The following RYR3 variants were observed in gnomAD, a reference collection of about 807,000 sequenced individuals.
RYR3 encodes ryanodine receptor 3, also known as brain ryanodine receptor-calcium release channel.
In RYR3, 207 loss-of-function variants were observed where a neutral mutation model predicts 584.3. The observed-to-expected ratio is 0.35, with a 90% CI of 0.32 to 0.40. The LOEUF is 0.40. RYR3 is among the 10% of genes least tolerant of loss of function. The pLI is 1.00. For missense variants in RYR3, 5,616 were observed against 6,089.2 expected (o/e 0.92, Z 2.59); for synonymous variants, 2,416 against 2,248.5 (o/e 1.07, Z -2.11).
chr15:33,854,678 G>C, intron 97 of RYR3, 88 bp from the exon 98 acceptor site: 2 of 1,500,154 alleles, frequency 1.3e-6, no homozygotes, highest in African/African-American at 2.8e-5. Flanking sequence ...TCTATCCTCA[G>C]TGTGTCTCCC....
At chr15:33,674,586 G>A (rs1266188085) in intron 38 of RYR3, among the ~76,000 whole-genome samples, 1 of 152,056 alleles carries the variant, frequency 6.6e-6, no homozygotes, top group African/African-American at 2.4e-5. Context: ...GGTTACTTGA[G>A]GCTCATAAAA....
chr15:33,677,499 C>A (rs902822764), intron 38 of RYR3, among the ~76,000 whole-genome samples: 1 of 152,176 alleles, frequency 6.6e-6, no homozygotes, highest in African/African-American at 2.4e-5. Flanking sequence ...TAATCGCCTA[C>A]ATGTATTGAA....
At chr15:33,789,603 T>G (rs1480580391) in intron 67 of RYR3, among the ~76,000 whole-genome samples, 1 of 124,186 alleles carries the variant, frequency 8.1e-6, no homozygotes, top group Non-Finnish European at 1.7e-5. Flanking sequence ...TTATGTTATA[T>G]GCATGTTACC....
chr15:33,738,693 G>C (rs2069760520), intron 50 of RYR3, 103 bp downstream of exon 50: 3 of 1,283,798 alleles, frequency 2.3e-6, no homozygotes, highest in Non-Finnish European at 3.3e-6. Context: ...GCCAGGACCT[G>C]TGCTAAGTAC....
At chr15:33,516,815 G>GT (rs1179856068) in intron 3 of RYR3, among the ~76,000 whole-genome samples, 1 of 151,884 alleles carries the variant, frequency 6.6e-6, no homozygotes, top group Non-Finnish European at 1.5e-5. Context: ...AGACCACCCA[G>GT]TTTGTAACCC....
intron 38 of RYR3, among the ~76,000 whole-genome samples, chr15:33,671,263 C>G (rs1319772163): frequency 6.6e-6 from 1 of 152,082 alleles, no homozygotes; most frequent in Admixed American, 6.5e-5. Flanking sequence ...TCAGTCTACT[C>G]CTTGGTACAG....
At chr15:33,454,845 A>G (rs2142009995) in intron 1 of RYR3, among the ~76,000 whole-genome samples, 1 of 152,298 alleles carries the variant, frequency 6.6e-6, no homozygotes, top group South Asian at 2.1e-4. Flanking sequence ...GAGGGCGGGT[A>G]GGAACTAAGG....
chr15:33,691,024 G>A (rs1316655431), intron 38 of RYR3, among the ~76,000 whole-genome samples: 2 of 152,078 alleles, frequency 1.3e-5, no homozygotes, highest in Non-Finnish European at 2.9e-5. Flanking sequence ...AAGAAAAATG[G>A]CCTTAAATAC....
chr15:33,649,569 T>C (rs1595972866), intron 31 of RYR3, among the ~76,000 whole-genome samples: 1 of 152,152 alleles, frequency 6.6e-6, no homozygotes, highest in Non-Finnish European at 1.5e-5. Context: ...AGAGAAAATC[T>C]CTGGGTGCTT....
At chr15:33,516,885 T>TAA (rs538847139) in intron 3 of RYR3, among the ~76,000 whole-genome samples, 7 of 149,804 alleles carry the variant, frequency 4.7e-5, no homozygotes, top group African/African-American at 9.8e-5. Context: ...CAGAATGGCT[T>TAA]AAAAAAAAAA....
chr15:33,344,085 T>C (rs906802453), intron 1 of RYR3, among the ~76,000 whole-genome samples: 1 of 152,214 alleles, frequency 6.6e-6, no homozygotes, highest in Admixed American at 6.5e-5. Context: ...GAATTGTTGT[T>C]GTTGCTTTTT....
chr15:33,775,079 A>G (rs541118425), intron 64 of RYR3, among the ~76,000 whole-genome samples: 30 of 152,082 alleles, frequency 2.0e-4, no homozygotes, highest in Non-Finnish European at 3.8e-4. Context: ...CAGACCAGAA[A>G]AAGACTGCTC....
intron 18 of RYR3, among the ~76,000 whole-genome samples, chr15:33,612,579 C>A (rs1230045186): frequency 6.6e-6 from 1 of 152,114 alleles, no homozygotes. Flanking sequence ...AGGCTGGTCT[C>A]GAACTCCTGA....
chr15:33,852,156 A>G (rs1173077469), intron 94 of RYR3: 1 of 152,114 alleles, frequency 6.6e-6, no homozygotes, highest in African/African-American at 2.4e-5. Context: ...TCTAGAACCA[A>G]AAAGAATGAA....
chr15:33,399,308 T>A (rs1177610405), intron 1 of RYR3, among the ~76,000 whole-genome samples: 3 of 152,210 alleles, frequency 2.0e-5, no homozygotes, highest in East Asian at 3.8e-4. Flanking sequence ...ATAGACTCGC[T>A]GAGCCAGAAC....
At chr15:33,763,904 A>AAAAAAAAAAAAAAAC (rs1567121773) in intron 60 of RYR3, among the ~76,000 whole-genome samples, 3 of 130,576 alleles carry the variant, frequency 2.3e-5, no homozygotes, top group African/African-American at 9.8e-5. Context: ...AAAAAAAAAA[A>AAAAAAAAAAAAAAAC]AAAAAAAAAA....
intron 3 of RYR3, among the ~76,000 whole-genome samples, chr15:33,523,364 G>A (rs191341363): frequency 6.6e-6 from 1 of 152,256 alleles, no homozygotes; most frequent in Non-Finnish European, 1.5e-5. Flanking sequence ...ACCTTTATGA[G>A]CTGTAACACT....
At chr15:33,651,562 T>A (rs1381561473) in intron 31 of RYR3, among the ~76,000 whole-genome samples, 2 of 152,202 alleles carry the variant, frequency 1.3e-5, no homozygotes, top group Non-Finnish European at 2.9e-5. Context: ...AGAATCCTAA[T>A]TGAACCTTTG....
intron 1 of RYR3, among the ~76,000 whole-genome samples, chr15:33,455,349 TAAAG>T (rs2047462250): frequency 6.6e-6 from 1 of 152,050 alleles, no homozygotes. Flanking sequence ...GAGTTATAAA[TAAAG>T]AGATTTGAGT....
Sources: gnomAD v4.1 joint callset for allele counts (sites outside exome capture counted in the v4.1 genomes callset) on GRCh38, gnomAD v4.1.1 for gene constraint, MANE v1.5 for transcripts, NCBI Gene and HGNC (gene_info 2026-07-23, HGNC 2026-07-21) for gene names.